TANK: variants seen among roughly 807,000 people sequenced by gnomAD.
The protein encoded by TANK is TRAF family member associated NFKB activator, also known as TRAF family member-associated NF-kappa-B activator.
TANK carries 15 observed loss-of-function variants against 43.6 expected under a neutral mutation model. The observed-to-expected ratio is 0.34, with a 90% CI of 0.23 to 0.53. TANK has a LOEUF of 0.53. TANK is among the 20% of genes least tolerant of loss of function. TANK has a pLI of 0.94. For missense variants in TANK, 417 were observed against 498.6 expected, an observed-to-expected ratio of 0.84 and a Z score of 1.56; for synonymous variants, 162 against 178.2, an observed-to-expected ratio of 0.91 and a Z score of 0.73.
rs1688142074 is a variant in TANK at position 161,235,661 on chromosome 2, C to CTAA, written c.*145_*146insATA. On this transcript the variant is annotated 3_prime_UTR_variant, in exon 8 of 8. Coordinates refer to ENST00000392749, the MANE Select transcript of TANK (RefSeq NM_001199135.3). ...CTATTTGAATTTTTTTCTGGATTTA[C>CTAA]TATATAACTCTTATTTTTTAAAAGA... 1.7e-6 allele frequency: 1 copy of CTAA among 586,254 alleles called. No homozygotes were observed. 36.3% of individuals were successfully genotyped at this position (586,254 alleles called of 1,614,324 possible). A position where few individuals can be genotyped will look rare whatever the true frequency, so the allele number is the denominator to read the frequency against.
chr2:161,151,680 G>A (rs1308012095), intron 1 of TANK, among the ~76,000 whole-genome samples: 1 of 152,106 alleles, frequency 6.6e-6, no homozygotes, highest in Non-Finnish European at 1.5e-5. Flanking sequence ...GTCCTTTGCA[G>A]ATAACATATG....
chr2:161,139,822 T>C (rs1683690082), intron 1 of TANK: 5 of 985,452 alleles, frequency 5.1e-6, no homozygotes, highest in Non-Finnish European at 6.0e-6. Context: ...CAGCTATTCC[T>C]ACGCTTTGTG....
chr2:161,202,283 G>A (rs993826604), intron 2 of TANK, among the ~76,000 whole-genome samples: 15 of 145,886 alleles, frequency 1.0e-4, no homozygotes, highest in East Asian at 8.3e-4. Context: ...TCCGCCTCCC[G>A]GGTTCACATC....
intron 1 of TANK, among the ~76,000 whole-genome samples, chr2:161,164,630 A>G (rs1684592405): frequency 1.3e-5 from 2 of 152,198 alleles, no homozygotes; most frequent in Non-Finnish European, 1.5e-5. Context: ...AGTTGAGGGT[A>G]ACTGGTACCA....
chr2:161,156,077 A>G, upstream of TANK: 5 of 984,246 alleles, frequency 5.1e-6, no homozygotes, highest in Non-Finnish European at 6.0e-6. Context: ...GGTTCAAAGT[A>G]TTACTTCAGA....
intron 2 of TANK, among the ~76,000 whole-genome samples, chr2:161,198,583 T>A (rs1686261215): frequency 6.6e-6 from 1 of 152,234 alleles, no homozygotes; most frequent in South Asian, 2.1e-4. Context: ...TTGCTCATTG[T>A]TAAAAACAGG....
Position 161,235,617 on chromosome 2 carries a change from G to T in TANK, c.*99G>T. 1 of 994,318 alleles carries T rather than the reference G, an allele frequency of 1.0e-6. No homozygotes were observed. Among genetic ancestry groups the T allele is most frequent in the East Asian group, 2.9e-5 (1 of 34,006 alleles). The allele number at this position is 994,318 out of a possible 1,614,324, so 61.6% of individuals were successfully genotyped here. On this transcript the variant is annotated 3_prime_UTR_variant, in exon 8 of 8. Transcript: ENST00000392749. Reference sequence around the variant, plus strand: ...TAAACTAAATTCAAGATCATTTATAGGAAAATCTAGTTTCACAGCTATTTG... The same window carrying T: ...TAAACTAAATTCAAGATCATTTATATGAAAATCTAGTTTCACAGCTATTTG...
chr2:161,213,885 C>A (rs1477606108), intron 4 of TANK, among the ~76,000 whole-genome samples: 1 of 152,112 alleles, frequency 6.6e-6, no homozygotes, highest in Non-Finnish European at 1.5e-5. Flanking sequence ...ATGAACTTTT[C>A]TGCTACATTA....
At chr2:161,210,592 G>A (rs886779141) in intron 4 of TANK, among the ~76,000 whole-genome samples, 1 of 151,848 alleles carries the variant, frequency 6.6e-6, no homozygotes, top group Non-Finnish European at 1.5e-5. Flanking sequence ...AGCCACTTGA[G>A]AGGCTGAAGC....
At chr2:161,137,581 T>G (rs1683623242) in intron 1 of TANK, among the ~76,000 whole-genome samples, 1 of 152,206 alleles carries the variant, frequency 6.6e-6, no homozygotes, top group African/African-American at 2.4e-5. Context: ...TGTTCATAAC[T>G]TACTAGGCTG....
chr2:161,233,222 A>AT (rs1292218091), intron 7 of TANK, among the ~76,000 whole-genome samples: 2 of 152,044 alleles, frequency 1.3e-5, no homozygotes, highest in African/African-American at 4.8e-5. Context: ...TGTCTCTACA[A>AT]ATACGTATAG....
At chr2:161,221,500 G>A (rs957029076) in intron 4 of TANK, among the ~76,000 whole-genome samples, 2 of 152,130 alleles carry the variant, frequency 1.3e-5, no homozygotes, top group African/African-American at 4.8e-5. Flanking sequence ...TTCTGGGAAA[G>A]TGTTGAAGTT....
chr2:161,200,579 C>CT lies in TANK; in HGVS notation c.100-2902dup, dbSNP rs1686358535. On this transcript the variant is annotated intron_variant, in intron 2 of 7. Coordinates refer to ENST00000392749, the MANE Select transcript of TANK (RefSeq NM_001199135.3). ...AATATGCATTTTCTCAAATTACTAC[C>CT]TTTTTTCTAACGGTATAAGCTTCCC... 13 of 972,916 alleles carry CT rather than the reference C, an allele frequency of 1.3e-5. No homozygotes were observed. The South Asian group carries it at 4.3e-4, about 32-fold the overall frequency. The allele number at this position is 972,916 out of a possible 1,614,324, so 60.3% of individuals were successfully genotyped here.
At chr2:161,202,191 T>C (rs998133864) in intron 2 of TANK, among the ~76,000 whole-genome samples, 7 of 141,212 alleles carry the variant, frequency 5.0e-5, no homozygotes, top group Non-Finnish European at 7.7e-5. Flanking sequence ...TCTTTTTTTT[T>C]TTTTTTTTTT....
chr2:161,160,543 G>T (rs1684369072), intron 1 of TANK, 57 bp downstream of exon 1: 2 of 1,237,898 alleles, frequency 1.6e-6, no homozygotes, highest in African/African-American at 1.5e-5. Context: ...CGACGTCGGA[G>T]AATTTGTATG....
At chr2:161,150,871 G>A (rs910469335) in intron 1 of TANK, among the ~76,000 whole-genome samples, 4 of 152,152 alleles carry the variant, frequency 2.6e-5, no homozygotes, top group East Asian at 1.9e-4. Flanking sequence ...GATTACAGGC[G>A]TGAGCCAGCA....
chr2:161,207,172 A>T (rs1377159460), intron 4 of TANK, among the ~76,000 whole-genome samples: 2 of 152,140 alleles, frequency 1.3e-5, no homozygotes, highest in African/African-American at 4.8e-5. Context: ...TGAAATATAT[A>T]TTTGGATACC....
intron 3 of TANK, among the ~76,000 whole-genome samples, chr2:161,203,891 A>G (rs1326249868): frequency 1.3e-5 from 2 of 152,164 alleles, no homozygotes; most frequent in Non-Finnish European, 2.9e-5. Context: ...TGAACCAAAA[A>G]CTCAAGTCCT....
intron 4 of TANK, chr2:161,212,566 G>C: frequency 1.0e-6 from 1 of 985,114 alleles, no homozygotes; most frequent in Non-Finnish European, 1.2e-6. Flanking sequence ...TTTTGAGGAA[G>C]AAAAGAAAAT....
Sources: gnomAD v4.1 joint callset for allele counts (sites outside exome capture counted in the v4.1 genomes callset) on GRCh38, gnomAD v4.1.1 for gene constraint, MANE v1.5 for transcripts, NCBI Gene and HGNC (gene_info 2026-07-23, HGNC 2026-07-21) for gene names.